SKAP1: variants seen among roughly 807,000 people sequenced by gnomAD.
The protein encoded by SKAP1 is src kinase-associated phosphoprotein 1.
SKAP1 carries 44 observed loss-of-function variants against 58.5 expected under a neutral mutation model. That is an observed-to-expected ratio of 0.75 (90% CI 0.59 to 0.97). The LOEUF (loss-of-function observed/expected upper bound fraction) is 0.97. Among genes scored for constraint, SKAP1 ranks in the 50% least tolerant of loss-of-function variants. The pLI is 0.00. For missense variants in SKAP1, 390 were observed against 435.2 expected (o/e 0.90, Z 0.92); for synonymous variants, 127 against 149.7 (o/e 0.85, Z 1.11).
intron 1 of SKAP1, among the ~76,000 whole-genome samples, chr17:48,428,762 A>G (rs190642516): frequency 1.1e-4 from 17 of 152,320 alleles, no homozygotes. Flanking sequence ...CTTCCTTCAC[A>G]AGCCTAATAT....
At chr17:48,270,102 ACT>A (rs2065608491) in intron 4 of SKAP1, among the ~76,000 whole-genome samples, 1 of 152,136 alleles carries the variant, frequency 6.6e-6, no homozygotes, top group Non-Finnish European at 1.5e-5. Context: ...CAAGAGCGAA[ACT>A]CTGTCTCAAC....
intron 9 of SKAP1, among the ~76,000 whole-genome samples, chr17:48,173,555 C>T (rs1388712651): frequency 1.3e-5 from 2 of 152,178 alleles, no homozygotes; most frequent in African/African-American, 4.8e-5. Flanking sequence ...AAAGTTGGTA[C>T]AACCTCAGTT....
intron 4 of SKAP1, among the ~76,000 whole-genome samples, chr17:48,210,054 C>T (rs778866915): frequency 6.6e-6 from 1 of 152,196 alleles, no homozygotes; most frequent in Admixed American, 6.5e-5. Context: ...CATCAGAAAT[C>T]ACTGGGAGGA....
intron 4 of SKAP1, among the ~76,000 whole-genome samples, chr17:48,221,768 T>C (rs1482810015): frequency 2.0e-5 from 3 of 152,222 alleles, no homozygotes; most frequent in Admixed American, 2.0e-4. Flanking sequence ...CTCTTTCAGT[T>C]CTGTTCTCCA....
intron 4 of SKAP1, among the ~76,000 whole-genome samples, chr17:48,272,008 A>G (rs2065639578): frequency 6.6e-6 from 1 of 152,378 alleles, no homozygotes; most frequent in Admixed American, 6.5e-5. Flanking sequence ...TGTGCATCAT[A>G]AATACATAAC....
intron 11 of SKAP1, among the ~76,000 whole-genome samples, chr17:48,138,626 T>C (rs1177943791): frequency 6.6e-6 from 1 of 152,132 alleles, no homozygotes; most frequent in Admixed American, 6.6e-5. Flanking sequence ...CGCCTCAGCC[T>C]CCCAAAGTGC....
At chr17:48,157,455 G>A (rs2063994422) in intron 11 of SKAP1, among the ~76,000 whole-genome samples, 1 of 151,582 alleles carries the variant, frequency 6.6e-6, no homozygotes, top group Admixed American at 6.6e-5. Context: ...GGCTGGTCTT[G>A]AACTCCTGAC....
intron 1 of SKAP1, among the ~76,000 whole-genome samples, chr17:48,397,435 A>AG (rs2067435870): frequency 6.6e-6 from 1 of 152,218 alleles, no homozygotes; most frequent in Non-Finnish European, 1.5e-5. Flanking sequence ...CATGTTGCCC[A>AG]GGCTGGTTTC....
At chr17:48,184,645 T>C in intron 7 of SKAP1, 78 bp downstream of exon 7, 2 of 1,575,940 alleles carry the variant, frequency 1.3e-6, no homozygotes, top group South Asian at 1.1e-5. Flanking sequence ...GAACCCAGCA[T>C]AGCAACCATG....
chr17:48,325,465 T>C (rs1479570286), intron 4 of SKAP1, among the ~76,000 whole-genome samples: 2 of 152,076 alleles, frequency 1.3e-5, no homozygotes, highest in Admixed American at 6.5e-5. Flanking sequence ...TGCCTGTTTT[T>C]GGAGGTAAGG....
chr17:48,329,160 C>T (rs887035329), intron 4 of SKAP1, among the ~76,000 whole-genome samples: 2 of 152,276 alleles, frequency 1.3e-5, no homozygotes, highest in African/African-American at 4.8e-5. Flanking sequence ...CTAGAGCCCC[C>T]TTTTCTCTAC....
At chr17:48,222,900 C>T (rs1035335447) in intron 4 of SKAP1, among the ~76,000 whole-genome samples, 2 of 150,384 alleles carry the variant, frequency 1.3e-5, no homozygotes, top group Non-Finnish European at 3.0e-5. Flanking sequence ...CCCATCTCTA[C>T]TAAAAATACA....
intron 4 of SKAP1, among the ~76,000 whole-genome samples, chr17:48,250,073 T>A (rs961182461): frequency 2.0e-5 from 3 of 151,422 alleles, no homozygotes; most frequent in Non-Finnish European, 4.4e-5. Context: ...TACTCATTCC[T>A]CAATTTCTTT....
In SKAP1 at chr17:48,215,688, C is replaced by T. The variant is rs115834006; in HGVS notation, c.281-26188G>A. Among the ~76,000 whole-genome samples, 709 of 152,052 alleles carry T rather than the reference C, an allele frequency of 4.7e-3. 3 individuals are homozygous for T. The highest frequency in any genetic ancestry group is 0.016 in the African/African-American group (664 of 41,476). On this transcript the variant is annotated intron_variant, in intron 4 of 12. Transcript: ENST00000336915. ...TTTTTTTTCCTGCTGTTGGATGATA[C>T]CAAGTCCAGGCTCGAGACCACACTG...
chr17:48,214,908 T>A (rs1382302132), intron 4 of SKAP1, among the ~76,000 whole-genome samples: 1 of 71,098 alleles, frequency 1.4e-5, no homozygotes, highest in African/African-American at 4.6e-5. Flanking sequence ...GGTGACAGAG[T>A]GAGACTCTGT....
At chr17:48,138,530 C>T (rs533118126) in intron 11 of SKAP1, among the ~76,000 whole-genome samples, 4 of 152,060 alleles carry the variant, frequency 2.6e-5, no homozygotes, top group South Asian at 4.2e-4. Flanking sequence ...CCACCACGCC[C>T]GGCTAATTTT....
At position 48,356,200 on chromosome 17, in the gene SKAP1, G is replaced by A. The variant is rs78189469; in HGVS notation, c.178+7589C>T. On this transcript the variant is annotated intron_variant, in intron 3 of 12. Transcript: ENST00000336915. Reference sequence around the variant, plus strand: ...TCTTGGGAGATGGAAGCTGCAGTGAGTGAGTCGAGATCAAGCCACTGCACT... The same window carrying A: ...TCTTGGGAGATGGAAGCTGCAGTGAATGAGTCGAGATCAAGCCACTGCACT... Among the ~76,000 whole-genome samples the A allele has an allele frequency of 3.9e-3, 596 of 152,164 alleles. 4 individuals carry two copies. Among genetic ancestry groups the A allele is most frequent in the African/African-American group, 0.014 (574 of 41,506 alleles).
At chr17:48,156,510 G>C (rs1212885775) in intron 11 of SKAP1, 3 of 525,236 alleles carry the variant, frequency 5.7e-6, no homozygotes. Flanking sequence ...CTCCGGGGAG[G>C]AAGGGAAGTT....
intron 4 of SKAP1, among the ~76,000 whole-genome samples, chr17:48,293,561 T>C (rs530124130): frequency 6.6e-6 from 1 of 152,328 alleles, no homozygotes; most frequent in African/African-American, 2.4e-5. Flanking sequence ...CGGGCTTGCT[T>C]GATCACACAT....
Sources: allele counts gnomAD v4.1 joint callset (sites outside exome capture counted in the v4.1 genomes callset), GRCh38; gene constraint gnomAD v4.1.1; transcripts MANE v1.5; gene names NCBI Gene and HGNC (gene_info 2026-07-23, HGNC 2026-07-21).